Variants in CLASP2 observed in about 807,000 individuals in gnomAD.
The protein encoded by CLASP2 is cytoplasmic linker associated protein 2.
CLASP2 carries 47 observed loss-of-function variants against 194.4 expected under a neutral mutation model. That is an observed-to-expected ratio of 0.24 (90% CI 0.19 to 0.31). The LOEUF (loss-of-function observed/expected upper bound fraction) is 0.31, where lower values mean the gene tolerates loss of function less well. CLASP2 is among the 10% of genes least tolerant of loss of function. CLASP2 has a pLI of 1.00. For missense variants in CLASP2, 1,445 were observed against 1,823.6 expected, an observed-to-expected ratio of 0.79 and a Z score of 3.78; for synonymous variants, 619 against 633.5, an observed-to-expected ratio of 0.98 and a Z score of 0.34.
At chr3:33,642,558 G>A (rs1177855384) in intron 8 of CLASP2, among the ~76,000 whole-genome samples, 2 of 151,862 alleles carry the variant, frequency 1.3e-5, no homozygotes, top group Admixed American at 6.6e-5. Context: ...AGAGCAGATA[G>A]TACTACTTTA....
chr3:33,666,608 T>C (rs2086217595), intron 6 of CLASP2, among the ~76,000 whole-genome samples: 1 of 152,230 alleles, frequency 6.6e-6, no homozygotes. Flanking sequence ...CACCAAGTAA[T>C]GGACATATGT....
intron 27 of CLASP2, chr3:33,563,992 A>T (rs1242616371): frequency 1.4e-5 from 6 of 442,308 alleles, no homozygotes; most frequent in Non-Finnish European, 2.2e-5. Context: ...TTCAAGTCCT[A>T]GTCAAGAAAC....
At chr3:33,506,881 C>T (rs1043951979) in intron 37 of CLASP2, among the ~76,000 whole-genome samples, 4 of 150,960 alleles carry the variant, frequency 2.6e-5, no homozygotes, top group East Asian at 3.9e-4. Flanking sequence ...CTTTGTAATA[C>T]GTTTTAAAAT....
chr3:33,649,144 C>T (rs1231792400), intron 7 of CLASP2, among the ~76,000 whole-genome samples: 4 of 152,164 alleles, frequency 2.6e-5, no homozygotes, highest in African/African-American at 7.2e-5. Context: ...GCCTAGAATG[C>T]TTTTTTCATC....
At chr3:33,589,302 T>C (rs995129919) in intron 21 of CLASP2, among the ~76,000 whole-genome samples, 5 of 152,240 alleles carry the variant, frequency 3.3e-5, no homozygotes, top group Non-Finnish European at 7.4e-5. Context: ...GCTCTCTCCA[T>C]TGAGTCTCCA....
chr3:33,600,959 T>G (rs1462871254), intron 18 of CLASP2, among the ~76,000 whole-genome samples: 1 of 142,802 alleles, frequency 7.0e-6, no homozygotes, highest in Non-Finnish European at 1.5e-5. Flanking sequence ...AAGGCTTTTT[T>G]TTTTTTTTTT....
intron 37 of CLASP2, among the ~76,000 whole-genome samples, chr3:33,506,236 C>T (rs370008610): frequency 6.6e-5 from 10 of 151,510 alleles, no homozygotes; most frequent in East Asian, 3.9e-4. Context: ...TAGCCGGGCA[C>T]GGTGGCAGGC....
chr3:33,706,677 C>G (rs1020750928), intron 1 of CLASP2, among the ~76,000 whole-genome samples: 1 of 151,984 alleles, frequency 6.6e-6, no homozygotes, highest in African/African-American at 2.4e-5. Context: ...AAAATAAAAT[C>G]TAGGTCAGGT....
intron 1 of CLASP2, among the ~76,000 whole-genome samples, chr3:33,710,622 A>C (rs890027805): frequency 2.0e-5 from 3 of 152,042 alleles, no homozygotes; most frequent in Non-Finnish European, 2.9e-5. Flanking sequence ...CATTTATGAT[A>C]CTCTCTAACA....
chr3:33,602,155 A>G (rs1043899112), intron 18 of CLASP2, among the ~76,000 whole-genome samples: 1 of 152,120 alleles, frequency 6.6e-6, no homozygotes, highest in African/African-American at 2.4e-5. Context: ...CTGGGATTAC[A>G]GGCATGAGCC....
intron 7 of CLASP2, among the ~76,000 whole-genome samples, chr3:33,656,430 G>A (rs1195960286): frequency 6.6e-6 from 1 of 152,150 alleles, no homozygotes; most frequent in Non-Finnish European, 1.5e-5. Context: ...AAGCATAGAT[G>A]TTTATAAAGG....
rs2074407550 is a variant in CLASP2, at chr3:33,608,625, G to A, written c.1390C>T (p.Arg464Cys). The A allele has an allele frequency of 2.5e-6, 4 of 1,602,654 alleles. No homozygotes were observed. The highest frequency in any genetic ancestry group is 2.2e-5 in the South Asian group (2 of 89,342). ...AATAAATCTAAAAATTCAAATGAAC[G>A]TCTGAAAAATAAAAGTTGAATGATA... is the stretch of plus-strand genomic sequence containing the variant. The part of the protein sequence containing the change: ...CTSKSVPVRR[R>C]SFEFLDLLLQ... Residue 464 changes from arginine to cysteine, a missense_variant and splice_region_variant, in exon 14 of 39, where the codon CGT (arginine) becomes TGT (cysteine). Coordinates refer to ENST00000682230, the MANE Select transcript of CLASP2 (RefSeq NM_001365631.1).
intron 38 of CLASP2, among the ~76,000 whole-genome samples, 164 bp downstream of exon 38, chr3:33,501,488 A>G (rs2046840808): frequency 6.6e-6 from 1 of 152,206 alleles, no homozygotes; most frequent in Admixed American, 6.5e-5. Context: ...CAAATGTTAG[A>G]GTAGAAAAAG....
At chr3:33,520,407 T>C (rs2052656018) in intron 34 of CLASP2, among the ~76,000 whole-genome samples, 1 of 152,242 alleles carries the variant, frequency 6.6e-6, no homozygotes, top group Admixed American at 6.5e-5. Context: ...CAGGCATTAG[T>C]ACACAGATTC....
Position 33,626,996 on chromosome 3 carries a change from C to A in CLASP2, c.1027G>T (p.Ala343Ser). The A allele has an allele frequency of 6.3e-7, 1 of 1,583,772 alleles. No homozygotes were observed. The highest frequency in any genetic ancestry group is 1.2e-5 in the South Asian group (1 of 86,152). Reference sequence around the variant, plus strand: ...TAAAGACAAAAACTTACTGCATTGGCACGCTGATCCCAGTCATGTTTATCA... The same window carrying A: ...TAAAGACAAAAACTTACTGCATTGGAACGCTGATCCCAGTCATGTTTATCA... ...SDDKHDWDQR[A>S]NALKKIRSLL... Residue 343 changes from alanine to serine, a missense_variant, in exon 10 of 39, where the codon GCC becomes TCC. Physicochemically the swap from Ala to Ser is moderately conservative, Grantham distance 99. Around this residue, in one of 4 missense-constraint regions of CLASP2, gnomAD observed 207 missense variants for 331.4 expected, o/e 0.62. Coordinates refer to ENST00000682230, the MANE Select transcript of CLASP2 (RefSeq NM_001365631.1).
chr3:33,571,507 C>T (rs1209259779), intron 25 of CLASP2, among the ~76,000 whole-genome samples: 4 of 151,610 alleles, frequency 2.6e-5, no homozygotes, highest in Admixed American at 6.6e-5. Flanking sequence ...TGGTGGCACA[C>T]GTCTATAATC....
intron 11 of CLASP2, among the ~76,000 whole-genome samples, chr3:33,620,081 T>C (rs1042225059): frequency 4.6e-5 from 7 of 152,242 alleles, no homozygotes; most frequent in South Asian, 4.1e-4. Context: ...TCTTGATCCA[T>C]GAGTTATTTC....
chr3:33,584,709 A>AAG, intron 22 of CLASP2, 41 bp downstream of exon 22: 1 of 1,443,942 alleles, frequency 6.9e-7, no homozygotes, highest in South Asian at 1.5e-5. Flanking sequence ...AAAAAAAAAA[A>AAG]GGGTTACATG....
At chr3:33,538,167 C>G (rs1309778564) in intron 33 of CLASP2, among the ~76,000 whole-genome samples, 1 of 151,666 alleles carries the variant, frequency 6.6e-6, no homozygotes, top group African/African-American at 2.4e-5. Context: ...TCAATGTGAT[C>G]TGGCCCATGT....
Sources: gnomAD v4.1 joint callset for allele counts (sites outside exome capture counted in the v4.1 genomes callset) on GRCh38, gnomAD v4.1.1 for gene constraint, gnomAD v4.1.1 regional missense constraint, MANE v1.5 for transcripts, NCBI Gene and HGNC (gene_info 2026-07-23, HGNC 2026-07-21) for gene names.